The following CETN3 variants were observed in gnomAD, a reference collection of about 807,000 sequenced individuals.
CETN3 encodes centrin 3.
In CETN3, 17 loss-of-function variants were observed where a neutral mutation model predicts 20.1. That is an observed-to-expected ratio of 0.85 (90% CI 0.58 to 1.27). The LOEUF is 1.27. Among genes scored for constraint, CETN3 ranks in the 50% most tolerant of loss-of-function variants. CETN3 has a pLI of 0.00. For missense variants in CETN3, 169 were observed against 191.2 expected (o/e 0.88, Z 0.69); for synonymous variants, 52 against 59.7 (o/e 0.87, Z 0.59).
chr5:90,394,157 T>C, intron 4 of CETN3, 50 bp from the exon 5 acceptor site: 1 of 1,288,496 alleles, frequency 7.8e-7, no homozygotes, highest in Non-Finnish European at 1.1e-6. Flanking sequence ...CATTTTATTT[T>C]TTCAGAATCC....
chr5:90,406,840 C>CAAAAAA (rs762527758), intron 2 of CETN3, among the ~76,000 whole-genome samples: 3 of 61,722 alleles, frequency 4.9e-5, no homozygotes, highest in African/African-American at 7.4e-5. Context: ...TCTGGGTAAC[C>CAAAAAA]AAAAAAAAAA....
At chr5:90,408,677 G>C (rs991555672) in intron 1 of CETN3, among the ~76,000 whole-genome samples, 1 of 151,504 alleles carries the variant, frequency 6.6e-6, no homozygotes, top group African/African-American at 2.4e-5. Flanking sequence ...AAATGGAGCC[G>C]CAACACTGGA....
chr5:90,399,999 T>C (rs1749241126), intron 3 of CETN3, among the ~76,000 whole-genome samples: 2 of 152,210 alleles, frequency 1.3e-5, no homozygotes, highest in Admixed American at 1.3e-4. Context: ...TAACACTGAT[T>C]CTTCCTCAAA....
At chr5:90,395,063 A>G (rs1433844857) in intron 4 of CETN3, among the ~76,000 whole-genome samples, 1 of 152,212 alleles carries the variant, frequency 6.6e-6, no homozygotes, top group Admixed American at 6.5e-5. Context: ...CCTGGTCTCT[A>G]GTCACAGCTC....
chr5:90,403,804 G>A (rs1233710662), intron 3 of CETN3, among the ~76,000 whole-genome samples: 1 of 144,554 alleles, frequency 6.9e-6, no homozygotes, highest in African/African-American at 2.6e-5. Context: ...CCGGGAGGCG[G>A]AGCTTGCAGT....
At chr5:90,408,512 A>G (rs1018155211) in intron 1 of CETN3, among the ~76,000 whole-genome samples, 2 of 152,232 alleles carry the variant, frequency 1.3e-5, no homozygotes, top group African/African-American at 4.8e-5. Context: ...TTCATTCTAT[A>G]TAAAAATGTG....
intron 2 of CETN3, 45 bp from the exon 3 acceptor site, chr5:90,405,844 A>G (rs1453438919): frequency 8.5e-7 from 1 of 1,171,760 alleles, no homozygotes; most frequent in Non-Finnish European, 1.2e-6. Flanking sequence ...CACTCTTTAC[A>G]AAAGAATTTC....
In CETN3 at chr5:90,393,218, A is replaced by G. The variant is rs1749058912; in HGVS notation, c.*846T>C. The G allele has an allele frequency of 6.6e-6, 1 of 152,230 alleles. No individual in the cohort carries two copies. Among genetic ancestry groups the G allele is most frequent in the African/African-American group, 2.4e-5 (1 of 41,454 alleles). 9.4% of individuals were successfully genotyped at this position (152,230 alleles called of 1,614,324 possible). On this transcript the variant is annotated 3_prime_UTR_variant, in exon 5 of 5. Coordinates refer to ENST00000283122, the MANE Select transcript of CETN3 (RefSeq NM_004365.4). ...CTGTTCCTTCATATAGGTAAAACAT[A>G]GACTTAAATTATTTCTGTGGCTTAC...
rs1373346470 is a variant in CETN3, at chr5:90,405,724, C to A, written c.229G>T (p.Ala77Ser). ...LKILKDYDRE[A>S]TGKITFEDFN... ...TCTTCAAAGGTGATTTTCCCTGTGG[C>A]TTCTCTGTCATAATCTTTAAGAATC... is the stretch of plus-strand genomic sequence containing the variant. Residue 77 changes from alanine to serine, a missense_variant, in exon 3 of 5, where the codon GCC (alanine) becomes TCC (serine). Ala to Ser is a moderately conservative substitution (Grantham distance 99). Coordinates refer to ENST00000283122, the MANE Select transcript of CETN3 (RefSeq NM_004365.4). 1.9e-6 allele frequency: 3 copies of A among 1,612,548 alleles called. No homozygotes were observed. The highest frequency in any genetic ancestry group is 2.5e-6 in the Non-Finnish European group (3 of 1,179,012).
chr5:90,395,971 T>C (rs1440696788), intron 4 of CETN3: 28 of 897,254 alleles, frequency 3.1e-5, no homozygotes, highest in Non-Finnish European at 3.6e-5. Flanking sequence ...AAATGTTTTA[T>C]AACACAAAAT....
chr5:90,403,511 T>G (rs555670730), intron 3 of CETN3, among the ~76,000 whole-genome samples: 2 of 152,136 alleles, frequency 1.3e-5, no homozygotes, highest in Non-Finnish European at 2.9e-5. Context: ...GTTAATAACA[T>G]AGAACAGATG....
In CETN3 at chr5:90,394,056, G is replaced by A. The variant is rs770453590; in HGVS notation, c.*8C>T. The A allele has an allele frequency of 1.3e-6, 2 of 1,529,350 alleles. No individual in the cohort carries two copies. The highest frequency in any genetic ancestry group is 1.8e-6 in the Non-Finnish European group (2 of 1,112,280). 94.7% of individuals were successfully genotyped at this position (1,529,350 alleles called of 1,614,324 possible). A position where few individuals can be genotyped will look rare whatever the true frequency, so the allele number is the denominator to read the frequency against. On this transcript the variant is annotated 3_prime_UTR_variant, in exon 5 of 5. Transcript: ENST00000283122. ...TGCAACATTCTTAGTGTTTATCCTT[G>A]TAATTCTTTAAATGTCACCAGTCAT...
In CETN3 at chr5:90,405,861, T is replaced by C. The variant is rs1580164695; in HGVS notation, c.154-62A>G. 2.9e-6 allele frequency: 3 copies of C among 1,035,454 alleles called. No homozygotes were observed. In the East Asian group the frequency reaches 7.3e-5, roughly 25 times the overall value. 64.1% of individuals were successfully genotyped at this position (1,035,454 alleles called of 1,614,324 possible). The stretch of plus-strand genomic sequence containing the variant: ...CTCTTTACAAAAGAATTTCTAATTA[T>C]TAAGTTTTTACATCTTAAGAGATGA... On this transcript the variant is annotated intron_variant, in intron 2 of 4. Coordinates refer to ENST00000283122, the MANE Select transcript of CETN3 (RefSeq NM_004365.4).
At chr5:90,407,614 AATT>A in intron 2 of CETN3, 82 bp downstream of exon 2, 1 of 981,068 alleles carries the variant, frequency 1.0e-6, no homozygotes, top group Non-Finnish European at 1.4e-6. Flanking sequence ...TAGTTAAAAT[AATT>A]ATTTAGAAAT....
intron 1 of CETN3, 77 bp downstream of exon 1, chr5:90,409,568 C>T (rs1561410128): frequency 6.4e-7 from 1 of 1,561,906 alleles, no homozygotes; most frequent in Non-Finnish European, 8.8e-7. Flanking sequence ...CGGCCCCAAA[C>T]GTCCTCCCTT....
intron 3 of CETN3, chr5:90,405,394 A>G (rs1749408314): frequency 5.2e-6 from 2 of 387,946 alleles, no homozygotes; most frequent in Non-Finnish European, 9.0e-6. Flanking sequence ...GTTTTATCAC[A>G]TAATATAAAT....
At chr5:90,407,566 T>C (rs889572327) in intron 2 of CETN3, 133 bp downstream of exon 2, 9 of 545,258 alleles carry the variant, frequency 1.7e-5, no homozygotes, top group South Asian at 6.0e-5. Flanking sequence ...CATCTAACTA[T>C]GAATGCTTAA....
intron 3 of CETN3, among the ~76,000 whole-genome samples, chr5:90,400,045 G>A (rs978154100): frequency 1.3e-5 from 2 of 152,124 alleles, no homozygotes; most frequent in South Asian, 4.1e-4. Flanking sequence ...AACTGCAAGA[G>A]ACAAAAAGTA....
chr5:90,402,511 T>C (rs1241157849), intron 3 of CETN3, among the ~76,000 whole-genome samples: 1 of 152,206 alleles, frequency 6.6e-6, no homozygotes, highest in East Asian at 1.9e-4. Context: ...CTACTCTTCC[T>C]GGCAATCTTG....
Sources: allele counts gnomAD v4.1 joint callset (sites outside exome capture counted in the v4.1 genomes callset), GRCh38; gene constraint gnomAD v4.1.1; transcripts MANE v1.5; gene names NCBI Gene and HGNC (gene_info 2026-07-23, HGNC 2026-07-21).